Variants in RASAL2 observed in about 807,000 individuals in gnomAD.
RASAL2 encodes RAS protein activator like 2.
RASAL2 carries 58 observed loss-of-function variants against 128.9 expected under a neutral mutation model. The ratio of observed to expected loss-of-function variants is 0.45; its 90% CI spans 0.36 to 0.56. The LOEUF (loss-of-function observed/expected upper bound fraction) is 0.56, where lower values mean the gene tolerates loss of function less well. RASAL2 is among the 20% of genes least tolerant of loss of function. The probability of loss-of-function intolerance (pLI) is 0.00; values close to 1 mark genes in which losing one functional copy is unlikely to be tolerated. For synonymous variants in RASAL2, 561 were observed against 580.8 expected, an observed-to-expected ratio of 0.97 and a Z score of 0.49; for missense variants, 1,360 against 1,601.6, an observed-to-expected ratio of 0.85 and a Z score of 2.57.
chr1:178,452,070 C>T (rs889819221), intron 10 of RASAL2, among the ~76,000 whole-genome samples: 13 of 152,024 alleles, frequency 8.6e-5, no homozygotes, highest in South Asian at 2.1e-4. Flanking sequence ...CAGCAATTGG[C>T]GAAATTTTGG....
At chr1:178,161,764 A>AT (rs199554930) in intron 1 of RASAL2, among the ~76,000 whole-genome samples, 62 of 148,660 alleles carry the variant, frequency 4.2e-4, no homozygotes, top group African/African-American at 1.2e-3. Flanking sequence ...ACTTCTTATC[A>AT]TTTTTTTTTT....
intron 1 of RASAL2, among the ~76,000 whole-genome samples, chr1:178,137,918 G>A (rs549612704): frequency 5.9e-5 from 9 of 152,184 alleles, no homozygotes; most frequent in South Asian, 2.1e-4. Flanking sequence ...CCATTTCTGC[G>A]TCATATTTTA....
At chr1:178,147,188 C>T (rs1660759365) in intron 1 of RASAL2, among the ~76,000 whole-genome samples, 1 of 151,868 alleles carries the variant, frequency 6.6e-6, no homozygotes, top group Non-Finnish European at 1.5e-5. Flanking sequence ...TCTATTCTGC[C>T]CTTTTAAAGC....
chr1:178,105,561 A>G (rs1659056484), intron 1 of RASAL2, among the ~76,000 whole-genome samples: 1 of 152,240 alleles, frequency 6.6e-6, no homozygotes. Flanking sequence ...CTTGCTCCAT[A>G]AATAAGTACT....
At chr1:178,374,099 T>C (rs1250146257) in intron 3 of RASAL2, among the ~76,000 whole-genome samples, 2 of 152,092 alleles carry the variant, frequency 1.3e-5, no homozygotes, top group African/African-American at 4.8e-5. Context: ...AAATCTTATT[T>C]TTAGGATTGA....
intron 1 of RASAL2, among the ~76,000 whole-genome samples, chr1:178,162,423 TTATA>T (rs1491374126): frequency 8.4e-6 from 1 of 119,396 alleles, no homozygotes; most frequent in Non-Finnish European, 1.6e-5. Context: ...ATATATAATA[TTATA>T]TATATTTTAT....
At chr1:178,385,850 C>A (rs753419993) in intron 3 of RASAL2, among the ~76,000 whole-genome samples, 3 of 152,194 alleles carry the variant, frequency 2.0e-5, no homozygotes, top group Non-Finnish European at 2.9e-5. Context: ...CTGTAGTCTT[C>A]TTCCCTGTTA....
intron 4 of RASAL2, among the ~76,000 whole-genome samples, chr1:178,399,264 C>T (rs1259176971): frequency 2.6e-5 from 4 of 151,972 alleles, no homozygotes; most frequent in African/African-American, 4.8e-5. Flanking sequence ...TTAGACAGCA[C>T]AACCCATGGT....
chr1:178,323,037 A>G (rs1668869049), intron 3 of RASAL2, among the ~76,000 whole-genome samples: 1 of 152,176 alleles, frequency 6.6e-6, no homozygotes, highest in African/African-American at 2.4e-5. Flanking sequence ...TAGAAATCCC[A>G]TTTATCCTAA....
chr1:178,442,597 A>C, intron 7 of RASAL2, 78 bp from the exon 8 acceptor site: 1 of 1,271,292 alleles, frequency 7.9e-7, no homozygotes, highest in South Asian at 1.5e-5. Context: ...TACCTAATGA[A>C]CATTGCCAAC....
At chr1:178,116,356 C>CAT (rs1659519249) in intron 1 of RASAL2, among the ~76,000 whole-genome samples, 1 of 152,152 alleles carries the variant, frequency 6.6e-6, no homozygotes, top group Non-Finnish European at 1.5e-5. Flanking sequence ...TCAGTGAACA[C>CAT]ATGCTATAGC....
At chr1:178,220,598 T>C (rs1447500350) in intron 1 of RASAL2, among the ~76,000 whole-genome samples, 3 of 152,194 alleles carry the variant, frequency 2.0e-5, no homozygotes, top group African/African-American at 7.2e-5. Context: ...GCCACAAACC[T>C]TAATTTTATA....
chr1:178,365,101 C>T (rs1244086192), intron 3 of RASAL2, among the ~76,000 whole-genome samples: 2 of 151,658 alleles, frequency 1.3e-5, no homozygotes, highest in Non-Finnish European at 2.9e-5. Context: ...GCCTTTTTCA[C>T]TGAAATCAAA....
chr1:178,353,958 T>C (rs1299811023), intron 3 of RASAL2, among the ~76,000 whole-genome samples: 3 of 148,692 alleles, frequency 2.0e-5, no homozygotes, highest in Admixed American at 6.7e-5. Context: ...GTGACAAAAA[T>C]GAAACCCTGT....
intron 1 of RASAL2, among the ~76,000 whole-genome samples, chr1:178,235,002 A>T (rs1664168386): frequency 6.6e-6 from 1 of 152,072 alleles, no homozygotes; most frequent in Non-Finnish European, 1.5e-5. Flanking sequence ...TTTTAGTGAT[A>T]CTCTTAAACA....
chr1:178,372,947 T>C (rs187442676), intron 3 of RASAL2, among the ~76,000 whole-genome samples: 1 of 152,298 alleles, frequency 6.6e-6, no homozygotes, highest in African/African-American at 2.4e-5. Context: ...CAGTCATATC[T>C]TAAATGTGAT....
chr1:178,462,076 G>GT (rs1288431463), intron 14 of RASAL2, among the ~76,000 whole-genome samples: 1 of 152,094 alleles, frequency 6.6e-6, no homozygotes, highest in Non-Finnish European at 1.5e-5. Flanking sequence ...TGATGATCAT[G>GT]TTGAAAGTCA....
chr1:178,177,838 A>G (rs1661947848), intron 1 of RASAL2, among the ~76,000 whole-genome samples: 1 of 152,228 alleles, frequency 6.6e-6, no homozygotes, highest in African/African-American at 2.4e-5. Flanking sequence ...ATAGAACATG[A>G]TAATTCTGAA....
At chr1:178,252,517 G>A (rs1298884359) in intron 1 of RASAL2, among the ~76,000 whole-genome samples, 1 of 152,034 alleles carries the variant, frequency 6.6e-6, no homozygotes, top group Non-Finnish European at 1.5e-5. Context: ...TCAGGCTGAT[G>A]GTGTGATGCT....
Sources: allele counts gnomAD v4.1 joint callset (sites outside exome capture counted in the v4.1 genomes callset), GRCh38; gene constraint gnomAD v4.1.1; transcripts MANE v1.5; gene names NCBI Gene and HGNC (gene_info 2026-07-23, HGNC 2026-07-21).